KLF5: variants seen among roughly 807,000 people sequenced by gnomAD.
KLF5 encodes the protein Krueppel-like factor 5.
A neutral mutation model predicts 36.9 loss-of-function variants in KLF5; 9 were observed. That is an observed-to-expected ratio of 0.24 (90% CI 0.15 to 0.43). The LOEUF is 0.43. KLF5 is among the 20% of genes least tolerant of loss of function. The pLI, the probability that KLF5 is intolerant of heterozygous loss-of-function variation, is 1.00. For missense variants in KLF5, 524 were observed against 599.5 expected (o/e 0.87, Z 1.31); for synonymous variants, 246 against 241.7 (o/e 1.02, Z -0.17).
At chr13:73,068,239 T>C (rs149011029) in intron 3 of KLF5, among the ~76,000 whole-genome samples, 55 of 152,352 alleles carry the variant, frequency 3.6e-4, no homozygotes, top group African/African-American at 1.3e-3. Flanking sequence ...GCCTAGTTTG[T>C]AAAGGGGTTA....
Position 73,059,447 on chromosome 13 carries a change from C to T in KLF5, c.120C>T (p.Ala40=). The change falls in exon 1 of 4, where the codon GCC becomes GCT. Residue 40 remains alanine (A), a synonymous_variant. Coordinates refer to ENST00000377687, the MANE Select transcript of KLF5 (RefSeq NM_001730.5). ...LKPVLGAANP[A]RDAALFPGEE... ...CGGTGCTGGGCGCCGCGAATCCGGCCCGCGACGCGGCGCTCTTCCCCGGCG... is the reference window on the plus strand; with the variant it reads ...CGGTGCTGGGCGCCGCGAATCCGGCTCGCGACGCGGCGCTCTTCCCCGGCG... 1 of 1,285,062 alleles carries T rather than the reference C, an allele frequency of 7.8e-7. No homozygotes were observed. The highest frequency in any genetic ancestry group is 9.8e-7 in the Non-Finnish European group (1 of 1,016,684). The allele number at this position is 1,285,062 out of a possible 1,614,324, so 79.6% of individuals were successfully genotyped here.
Position 73,062,169 on chromosome 13 carries a change from C to G in KLF5, c.570C>G (p.Thr190=). The change falls in exon 2 of 4, where the codon ACC becomes ACG. Residue 190 remains threonine (T), a synonymous_variant. Coordinates refer to ENST00000377687, the MANE Select transcript of KLF5 (RefSeq NM_001730.5). ...PAPTQALPEF[T]SIFSSHQTAA... ...CGACCCAGGCCCTCCCTGAGTTCAC[C>G]AGTATATTCAGCTCACACCAGACCG... 1 of 1,614,116 alleles carries G rather than the reference C, an allele frequency of 6.2e-7. No homozygotes were observed. Among genetic ancestry groups the G allele is most frequent in the Non-Finnish European group, 8.5e-7 (1 of 1,180,006 alleles).
intron 3 of KLF5, among the ~76,000 whole-genome samples, chr13:73,064,177 T>C (rs554297026): frequency 1.6e-4 from 25 of 152,236 alleles, no homozygotes; most frequent in East Asian, 7.7e-4. Context: ...TTAAAACTTA[T>C]ACTGGCAGTG....
chr13:73,074,168 GAGTC>G (rs1412372786), intron 3 of KLF5, among the ~76,000 whole-genome samples: 1 of 152,180 alleles, frequency 6.6e-6, no homozygotes, highest in Non-Finnish European at 1.5e-5. Context: ...CTTTGTCTGA[GAGTC>G]AGAGTGGTTA....
rs9573097 is a variant in KLF5, at chr13:73,075,974, C to A, written c.*88C>A. 1,043,114 of 1,143,892 alleles carry A rather than the reference C, an allele frequency of 0.91. 476,251 individuals carry two copies. Among genetic ancestry groups the A allele is most frequent in the East Asian group, 0.97 (35,728 of 36,814 alleles). 70.9% of individuals were successfully genotyped at this position (1,143,892 alleles called of 1,614,324 possible). On this transcript the variant is annotated 3_prime_UTR_variant, in exon 4 of 4. Transcript: ENST00000377687. ...CCTGTGTAAAAACAACAAAAACAAA[C>A]AAAAGCAAGAAAACCACAACTAAAA...
In KLF5 at chr13:73,062,430, A is replaced by G; in HGVS notation, c.831A>G (p.Gln277=). The G allele has an allele frequency of 6.2e-7, 1 of 1,614,216 alleles. No individual in the cohort carries two copies. Among genetic ancestry groups the G allele is most frequent in the South Asian group, 1.1e-5 (1 of 91,090 alleles). The change falls in exon 2 of 4, where the codon CAA becomes CAG. Residue 277 remains glutamine, a synonymous_variant. Coordinates refer to ENST00000377687, the MANE Select transcript of KLF5 (RefSeq NM_001730.5). The part of the protein sequence containing the change: ...TSAVPQTAVK[Q]FQGMPPCTYT... ...CTGTTCCGCAGACTGCAGTGAAACA[A>G]TTCCAGGGCATGCCCCCTTGCACAT...
In KLF5 at chr13:73,066,980, T is replaced by C. The variant is rs577023717; in HGVS notation, c.1195+3097T>C. 1.2e-3 allele frequency among the ~76,000 whole-genome samples: 190 copies of C among 152,342 alleles called. 1 individual carries two copies. Among genetic ancestry groups the C allele is most frequent in the African/African-American group, 4.4e-3 (184 of 41,574 alleles). ...AGCATAAGGCCTGTAGAAGCACCCCTTATAGATGTGGATGTTCGCATGTAT... is the reference window on the plus strand; with the variant it reads ...AGCATAAGGCCTGTAGAAGCACCCCCTATAGATGTGGATGTTCGCATGTAT... On this transcript the variant is annotated intron_variant, in intron 3 of 3. Coordinates refer to ENST00000377687, the MANE Select transcript of KLF5 (RefSeq NM_001730.5).
In KLF5 at chr13:73,076,481, GGATTCTTTTGGGGAAGAGTCAT is replaced by G; in HGVS notation, c.*596_*617del. On this transcript the variant is annotated 3_prime_UTR_variant, in exon 4 of 4. Transcript: ENST00000377687. The stretch of plus-strand genomic sequence containing the variant: ...TTATAGGTTTATTACAAGTTTTTTA[GGATTCTTTTGGGGAAGAGTCAT>G]AATTCTTTTGAAAATAACCATGAAT... 1 of 152,546 alleles carries G rather than the reference GGATTCTTTTGGGGAAGAGTCAT, an allele frequency of 6.6e-6. No individual in the cohort carries two copies. The highest frequency in any genetic ancestry group is 1.5e-5 in the Non-Finnish European group (1 of 68,010). 9.4% of individuals were successfully genotyped at this position (152,546 alleles called of 1,614,324 possible).
At chr13:73,066,305 T>G (rs1294286177) in intron 3 of KLF5, among the ~76,000 whole-genome samples, 1 of 148,568 alleles carries the variant, frequency 6.7e-6, no homozygotes, top group Non-Finnish European at 1.5e-5. Flanking sequence ...TGAATGTATC[T>G]GAAGCCAGCA....
At chr13:73,064,645 G>A (rs1335589914) in intron 3 of KLF5, among the ~76,000 whole-genome samples, 3 of 152,132 alleles carry the variant, frequency 2.0e-5, no homozygotes, top group Non-Finnish European at 4.4e-5. Context: ...CCAGGTTCAA[G>A]CGATTCTCCT....
At chr13:73,061,120 C>G (rs1215267349) in intron 1 of KLF5, among the ~76,000 whole-genome samples, 1 of 152,064 alleles carries the variant, frequency 6.6e-6, no homozygotes, top group Non-Finnish European at 1.5e-5. Context: ...TGATTTTCCC[C>G]TAGGTAATTA....
upstream of KLF5, among the ~76,000 whole-genome samples, chr13:73,056,957 C>G (rs771107305): frequency 2.1e-4 from 32 of 151,010 alleles, no homozygotes; most frequent in Non-Finnish European, 3.5e-4. Context: ...AATGAAAAAG[C>G]TTTTGTAAAT....
Position 73,077,430 on chromosome 13 carries a change from T to C in KLF5, c.*1544T>C, listed in dbSNP as rs1291092207. The stretch of plus-strand genomic sequence containing the variant: ...ATTTTTGTATTGTGGTCATTTCCTA[T>C]GCAAATAATGGAGCAAACAGCTGTA... On this transcript the variant is annotated 3_prime_UTR_variant, in exon 4 of 4. Transcript: ENST00000377687. The C allele has an allele frequency of 6.5e-6, 1 of 152,674 alleles. No individual in the cohort carries two copies. Among genetic ancestry groups the C allele is most frequent in the Non-Finnish European group, 1.5e-5 (1 of 68,050 alleles). The allele number at this position is 152,674 out of a possible 1,614,324, so 9.5% of individuals were successfully genotyped here. A position where few individuals can be genotyped will look rare whatever the true frequency, so the allele number is the denominator to read the frequency against.
chr13:73,071,731 CT>C (rs1484814498), intron 3 of KLF5, among the ~76,000 whole-genome samples: 12 of 152,162 alleles, frequency 7.9e-5, no homozygotes, highest in Non-Finnish European at 1.3e-4. Flanking sequence ...AAATATTTTC[CT>C]CTTGAAATAA....
Position 73,062,631 on chromosome 13 carries a change from C to T in KLF5, c.1032C>T (p.Pro344=). 1 of 1,614,184 alleles carries T rather than the reference C, an allele frequency of 6.2e-7. No individual in the cohort carries two copies. Among genetic ancestry groups the T allele is most frequent in the Non-Finnish European group, 8.5e-7 (1 of 1,180,022 alleles). Reference sequence around the variant, plus strand: ...TGGCAATTCACAATCCAAATTTACCCACCACCCTGCCAGTTAACTCACAAA... The same window carrying T: ...TGGCAATTCACAATCCAAATTTACCTACCACCCTGCCAGTTAACTCACAAA... ...SKLAIHNPNL[P]TTLPVNSQNI... The change falls in exon 2 of 4, where the codon CCC becomes CCT. Residue 344 remains proline (P), a synonymous_variant. Coordinates refer to ENST00000377687, the MANE Select transcript of KLF5 (RefSeq NM_001730.5).
intron 3 of KLF5, among the ~76,000 whole-genome samples, chr13:73,067,576 A>G (rs2044689072): frequency 6.6e-6 from 1 of 152,304 alleles, no homozygotes; most frequent in South Asian, 2.1e-4. Context: ...TAACGTTTCT[A>G]GATTTTTTCT....
In KLF5 at chr13:73,077,183, A is replaced by G. The variant is rs2044769864; in HGVS notation, c.*1297A>G. 6.6e-6 allele frequency: 1 copy of G among 152,574 alleles called. No individual in the cohort carries two copies. Among genetic ancestry groups the G allele is most frequent in the African/African-American group, 2.4e-5 (1 of 41,458 alleles). The allele number at this position is 152,574 out of a possible 1,614,324, so 9.5% of individuals were successfully genotyped here. A position where few individuals can be genotyped will look rare whatever the true frequency, so the allele number is the denominator to read the frequency against. On this transcript the variant is annotated 3_prime_UTR_variant, in exon 4 of 4. Transcript: ENST00000377687. ...TAATTTTGTTTTTAAAATATTGTTT[A>G]TCTTTATTTATTTTGTGGTAATATA...
At chr13:73,069,239 G>C (rs1249656596) in intron 3 of KLF5, among the ~76,000 whole-genome samples, 3 of 152,196 alleles carry the variant, frequency 2.0e-5, no homozygotes, top group Non-Finnish European at 4.4e-5. Context: ...AAGGGTAAAA[G>C]GCTTTTTAGG....
At chr13:73,060,283 A>G (rs568649680) in intron 1 of KLF5, among the ~76,000 whole-genome samples, 168 of 152,156 alleles carry the variant, frequency 1.1e-3, no homozygotes, top group African/African-American at 3.9e-3. Flanking sequence ...GAATTAGAGC[A>G]ACCGCCTGTT....
Sources: gnomAD v4.1 joint callset for allele counts (sites outside exome capture counted in the v4.1 genomes callset) on GRCh38, gnomAD v4.1.1 for gene constraint, MANE v1.5 for transcripts, NCBI Gene and HGNC (gene_info 2026-07-23, HGNC 2026-07-21) for gene names.